Variants in DCDC1 observed in about 807,000 individuals in gnomAD.
The protein encoded by DCDC1 is doublecortin domain-containing protein 1.
Under a neutral mutation model 178.3 loss-of-function variants are expected in DCDC1, and 200 were observed. The observed-to-expected ratio is 1.12, with a 90% CI of 1.00 to 1.26. The LOEUF is 1.26. Ranked by LOEUF, DCDC1 falls within the 50% of genes most tolerant of loss-of-function variation. The pLI, the probability that DCDC1 is intolerant of heterozygous loss-of-function variation, is 0.00. For missense variants in DCDC1, 1,983 were observed against 1,749.2 expected, an observed-to-expected ratio of 1.13 and a Z score of -2.38; for synonymous variants, 690 against 604.8, an observed-to-expected ratio of 1.14 and a Z score of -2.07.
At chr11:30,969,673 A>C (rs1418825504) in intron 20 of DCDC1, among the ~76,000 whole-genome samples, 1 of 152,170 alleles carries the variant, frequency 6.6e-6, no homozygotes, top group Non-Finnish European at 1.5e-5. Flanking sequence ...AAATAGAGAA[A>C]ATTTTATAAT....
chr11:30,871,079 A>G (rs548903348), intron 38 of DCDC1, among the ~76,000 whole-genome samples: 21 of 152,326 alleles, frequency 1.4e-4, no homozygotes, highest in African/African-American at 5.1e-4. Flanking sequence ...CCATCCATTC[A>G]ACCTTCTGTT....
chr11:30,899,010 C>G (rs1944448828), intron 34 of DCDC1, among the ~76,000 whole-genome samples: 1 of 152,030 alleles, frequency 6.6e-6, no homozygotes, highest in Non-Finnish European at 1.5e-5. Flanking sequence ...AATAATTGAT[C>G]ACTTTGACTG....
At chr11:31,236,967 T>C (rs1163341258) in intron 9 of DCDC1, among the ~76,000 whole-genome samples, 1 of 152,000 alleles carries the variant, frequency 6.6e-6, no homozygotes, top group Non-Finnish European at 1.5e-5. Flanking sequence ...CAATAAATTA[T>C]TTTAATTGAC....
chr11:31,225,588 A>G (rs941833653), intron 9 of DCDC1, among the ~76,000 whole-genome samples: 6 of 150,460 alleles, frequency 4.0e-5, no homozygotes, highest in African/African-American at 1.5e-4. Flanking sequence ...ATATGCATAC[A>G]TGCTAATATG....
intron 9 of DCDC1, among the ~76,000 whole-genome samples, chr11:31,156,251 T>A (rs1193945891): frequency 6.6e-6 from 1 of 152,252 alleles, no homozygotes; most frequent in East Asian, 1.9e-4. Flanking sequence ...TAATTCCTTT[T>A]AGGAGAATAA....
intron 9 of DCDC1, among the ~76,000 whole-genome samples, chr11:31,229,020 T>C (rs1975392754): frequency 6.6e-6 from 1 of 152,000 alleles, no homozygotes; most frequent in Admixed American, 6.6e-5. Flanking sequence ...GACCTGTACA[T>C]ATACCCTGCC....
At chr11:30,994,832 G>C (rs1430297199) in intron 20 of DCDC1, among the ~76,000 whole-genome samples, 2 of 148,218 alleles carry the variant, frequency 1.3e-5, no homozygotes, top group African/African-American at 2.5e-5. Flanking sequence ...TCAATGGTGA[G>C]AGACTGAATG....
At chr11:31,015,967 A>C (rs290090) in intron 20 of DCDC1, among the ~76,000 whole-genome samples, 22,730 of 152,094 alleles carry the variant, frequency 0.15, 5,620 homozygotes, top group African/African-American at 0.51. Flanking sequence ...TAAAAAATAC[A>C]CTCCATTTTC....
chr11:31,110,670 G>A lies in DCDC1; in HGVS notation c.1486-309C>T, dbSNP rs118040192. On this transcript the variant is annotated intron_variant, in intron 11 of 38. Transcript: ENST00000684477. ...GAAGAAAATGTGGACATTAAAGGAG[G>A]AATCACTGACCACAGCGGATGCTTA... Among the ~76,000 whole-genome samples, 115 of 150,614 alleles carry A rather than the reference G, an allele frequency of 7.6e-4. 1 individual carries two copies. In the East Asian group the frequency reaches 0.021, roughly 27 times the overall value.
chr11:31,224,198 A>G (rs1431572910), intron 9 of DCDC1, among the ~76,000 whole-genome samples: 2 of 152,100 alleles, frequency 1.3e-5, no homozygotes. Flanking sequence ...GTATGTCTTT[A>G]TCAGCAGCAC....
chr11:31,349,497 T>A (rs1323158939), intron 1 of DCDC1, among the ~76,000 whole-genome samples: 1 of 152,206 alleles, frequency 6.6e-6, no homozygotes, highest in Non-Finnish European at 1.5e-5. Flanking sequence ...TTATAATGAA[T>A]GTAAACACAA....
chr11:31,203,491 T>C (rs1971532377), intron 9 of DCDC1, among the ~76,000 whole-genome samples: 1 of 152,180 alleles, frequency 6.6e-6, no homozygotes, highest in African/African-American at 2.4e-5. Context: ...AGATTCCTTA[T>C]GTCATCCATT....
At chr11:31,080,950 G>A (rs1957132015) in intron 17 of DCDC1, among the ~76,000 whole-genome samples, 3 of 152,156 alleles carry the variant, frequency 2.0e-5, no homozygotes. Flanking sequence ...TCAGAATTTT[G>A]TCTTTTTATC....
At chr11:30,906,840 T>G in intron 29 of DCDC1, 115 bp from the exon 30 acceptor site, 1 of 939,676 alleles carries the variant, frequency 1.1e-6, no homozygotes, top group East Asian at 2.9e-5. Flanking sequence ...ATGCTAAATT[T>G]AAATTTTATG....
intron 23 of DCDC1, among the ~76,000 whole-genome samples, chr11:30,924,470 T>A (rs1458373868): frequency 4.6e-5 from 7 of 152,162 alleles, no homozygotes; most frequent in South Asian, 2.1e-4. Context: ...TCTTTTTTTT[T>A]AATTTTTCAA....
intron 9 of DCDC1, among the ~76,000 whole-genome samples, chr11:31,157,738 G>A (rs1009196946): frequency 3.3e-5 from 5 of 152,082 alleles, no homozygotes; most frequent in African/African-American, 4.8e-5. Flanking sequence ...TTGGAAAGAT[G>A]AAAAATGTCT....
chr11:31,162,639 C>T (rs970744506), intron 9 of DCDC1, among the ~76,000 whole-genome samples: 22 of 151,968 alleles, frequency 1.4e-4, no homozygotes, highest in Admixed American at 5.3e-4. Flanking sequence ...TTAACACAGA[C>T]GATGGTGTGT....
At chr11:31,250,551 T>A (rs914296839) in intron 8 of DCDC1, among the ~76,000 whole-genome samples, 2 of 150,484 alleles carry the variant, frequency 1.3e-5, no homozygotes, top group Non-Finnish European at 3.0e-5. Context: ...CCGTTAGATA[T>A]AATTTTCCAT....
Position 31,306,279 on chromosome 11 carries a change from C to A in DCDC1, c.544G>T (p.Gly182Ter), listed in dbSNP as rs767557890. ...ACTCTGGCAAAGACTGTTCTAGATC[C>A]ATTTTTGTAAGCTGTTACTTTAATC... ...RVIKVTAYKN[G>*]SRTVFARVTV... Residue 182 changes from glycine to a stop codon, truncating the protein, a stop_gained, in exon 5 of 39, where the codon GGA (glycine) becomes TGA (stop). Transcript: ENST00000684477. LOFTEE classifies it high-confidence loss of function. The A allele has an allele frequency of 6.2e-7, 1 of 1,609,176 alleles. No individual in the cohort carries two copies. Among genetic ancestry groups the A allele is most frequent in the East Asian group, 2.2e-5 (1 of 44,544 alleles).
Sources: allele counts gnomAD v4.1 joint callset (sites outside exome capture counted in the v4.1 genomes callset), GRCh38; gene constraint gnomAD v4.1.1; transcripts MANE v1.5; gene names NCBI Gene and HGNC (gene_info 2026-07-23, HGNC 2026-07-21).